THSD4: variants seen among roughly 807,000 people sequenced by gnomAD.
THSD4 encodes thrombospondin type-1 domain-containing protein 4.
Under a neutral mutation model 119.0 loss-of-function variants are expected in THSD4, and 69 were observed. The observed-to-expected ratio is 0.58, with a 90% CI of 0.48 to 0.71. THSD4 has a LOEUF of 0.71. Ranked by LOEUF, THSD4 falls within the 30% of genes least tolerant of loss-of-function variation. The pLI is 0.00. For missense variants in THSD4, 1,393 were observed against 1,391.1 expected (o/e 1.00, Z -0.02); for synonymous variants, 524 against 540.4 (o/e 0.97, Z 0.42).
chr15:71,199,869 G>GTGTGTGTGTGGTGCATGTGTGGTA (rs1369123961), intron 3 of THSD4, among the ~76,000 whole-genome samples: 2 of 124,150 alleles, frequency 1.6e-5, no homozygotes, highest in African/African-American at 3.2e-5. Context: ...TGTGGGGTGT[G>GTGTGTGTGTGGTGCATGTGTGGTA]TGTGTGTGTG....
chr15:71,608,816 C>T (rs1298916208), intron 7 of THSD4, among the ~76,000 whole-genome samples: 2 of 152,226 alleles, frequency 1.3e-5, no homozygotes, highest in African/African-American at 4.8e-5. Context: ...TACAATCATG[C>T]AGTGAGTATT....
At position 71,747,098 on chromosome 15, in the gene THSD4, T is replaced by C. The variant is rs1043040301; in HGVS notation, c.2241+56T>C. 6.3e-4 allele frequency: 967 copies of C among 1,529,914 alleles called. 1 individual carries two copies. The highest frequency in any genetic ancestry group is 7.9e-4 in the Non-Finnish European group (904 of 1,139,028). The allele number at this position is 1,529,914 out of a possible 1,614,324, so 94.8% of individuals were successfully genotyped here. A position where few individuals can be genotyped will look rare whatever the true frequency, so the allele number is the denominator to read the frequency against. On this transcript the variant is annotated intron_variant, in intron 13 of 17. Coordinates refer to ENST00000261862, the MANE Select transcript of THSD4 (RefSeq NM_024817.3). ...TCCCTCTCCAGCTCCCACCACACTTTCCAGCCTCCCCCACCAAGACCTGAG... is the reference window on the plus strand; with the variant it reads ...TCCCTCTCCAGCTCCCACCACACTTCCCAGCCTCCCCCACCAAGACCTGAG...
rs574054580 is a variant in THSD4, at chr15:71,604,143, G to C, written c.1153-56387G>C. Among the ~76,000 whole-genome samples the C allele has an allele frequency of 3.3e-5, 5 of 152,252 alleles. No homozygotes were observed. The East Asian group carries it at 7.7e-4, about 24-fold the overall frequency. On this transcript the variant is annotated intron_variant, in intron 7 of 17. Coordinates refer to ENST00000261862, the MANE Select transcript of THSD4 (RefSeq NM_024817.3). ...GGGGATAGTGAAGATAATGAAATAAGTTTGGGCCCTAATGAGTTTGGGGTG... is the reference window on the plus strand; with the variant it reads ...GGGGATAGTGAAGATAATGAAATAACTTTGGGCCCTAATGAGTTTGGGGTG...
chr15:71,432,733 C>T (rs964888204), intron 7 of THSD4, among the ~76,000 whole-genome samples: 2 of 151,892 alleles, frequency 1.3e-5, no homozygotes, highest in Admixed American at 6.6e-5. Context: ...CTTTTATAAC[C>T]TCTTAAAGTT....
intron 6 of THSD4, among the ~76,000 whole-genome samples, chr15:71,294,841 A>G (rs1235293575): frequency 6.6e-6 from 1 of 151,488 alleles, no homozygotes; most frequent in Non-Finnish European, 1.5e-5. Flanking sequence ...CGCCCAATCC[A>G]GTATTTGATG....
chr15:71,199,549 GGTGTGTGTA>G (rs2043755312), intron 3 of THSD4, among the ~76,000 whole-genome samples: 1 of 144,092 alleles, frequency 6.9e-6, no homozygotes, highest in Non-Finnish European at 1.5e-5. Flanking sequence ...GTGTATGTGT[GGTGTGTGTA>G]TGTGGTGTGT....
chr15:71,382,321 C>A (rs1364867264), intron 6 of THSD4, among the ~76,000 whole-genome samples: 1 of 152,154 alleles, frequency 6.6e-6, no homozygotes, highest in East Asian at 1.9e-4. Context: ...AGCCAATACT[C>A]CAAGAAAACG....
chr15:71,213,176 C>T (rs925584810), intron 3 of THSD4, among the ~76,000 whole-genome samples: 3 of 152,210 alleles, frequency 2.0e-5, no homozygotes, highest in African/African-American at 7.2e-5. Flanking sequence ...CCTCTTCCAG[C>T]TTCTGGTGGC....
intron 7 of THSD4, among the ~76,000 whole-genome samples, chr15:71,515,078 T>C (rs2048338434): frequency 6.6e-6 from 1 of 152,230 alleles, no homozygotes; most frequent in African/African-American, 2.4e-5. Context: ...GGTTTGGACA[T>C]CCTTAAGGAA....
intron 6 of THSD4, among the ~76,000 whole-genome samples, chr15:71,369,355 G>A (rs971949410): frequency 2.0e-5 from 3 of 152,142 alleles, no homozygotes; most frequent in Non-Finnish European, 2.9e-5. Context: ...TCCCTGTCTT[G>A]TGCCAGTTTT....
chr15:71,513,299 A>C (rs2048309730), intron 7 of THSD4, among the ~76,000 whole-genome samples: 1 of 152,196 alleles, frequency 6.6e-6, no homozygotes, highest in Admixed American at 6.5e-5. Context: ...AGTTTCATAG[A>C]CTGTTACAGC....
At chr15:71,743,655 A>C (rs2053278730) in intron 11 of THSD4, among the ~76,000 whole-genome samples, 1 of 152,230 alleles carries the variant, frequency 6.6e-6, no homozygotes, top group African/African-American at 2.4e-5. Flanking sequence ...ATTTTAAATA[A>C]TGGTCTCAAG....
intron 8 of THSD4, among the ~76,000 whole-genome samples, chr15:71,681,570 G>A (rs2051777898): frequency 6.6e-6 from 1 of 151,680 alleles, no homozygotes; most frequent in African/African-American, 2.4e-5. Context: ...AGCTACTCGG[G>A]AGGCTGGGGC....
intron 6 of THSD4, among the ~76,000 whole-genome samples, chr15:71,363,249 A>T (rs2045917223): frequency 6.6e-6 from 1 of 152,242 alleles, no homozygotes; most frequent in African/African-American, 2.4e-5. Context: ...CATAGATAGT[A>T]CATAAATGAA....
At chr15:71,133,320 T>C (rs1395065925) in intron 1 of THSD4, among the ~76,000 whole-genome samples, 1 of 152,164 alleles carries the variant, frequency 6.6e-6, no homozygotes, top group Non-Finnish European at 1.5e-5. Flanking sequence ...GTTTGGATCC[T>C]GGGCTGCGCA....
At chr15:71,347,688 A>T (rs2045684399) in intron 6 of THSD4, among the ~76,000 whole-genome samples, 1 of 152,142 alleles carries the variant, frequency 6.6e-6, no homozygotes, top group Admixed American at 6.5e-5. Flanking sequence ...AAAATTTAAA[A>T]TTCAGTTTCT....
intron 6 of THSD4, among the ~76,000 whole-genome samples, chr15:71,379,441 A>C (rs939211452): frequency 4.1e-5 from 6 of 146,490 alleles, no homozygotes; most frequent in Non-Finnish European, 7.5e-5. Context: ...TTACTGAAGC[A>C]AATGGCTTCT....
At chr15:71,182,239 C>T (rs1389306796) in intron 3 of THSD4, among the ~76,000 whole-genome samples, 2 of 151,730 alleles carry the variant, frequency 1.3e-5, no homozygotes, top group East Asian at 3.9e-4. Flanking sequence ...TTCACAGAAA[C>T]CCACACAATC....
intron 8 of THSD4, among the ~76,000 whole-genome samples, chr15:71,700,692 G>A (rs1288191364): frequency 3.9e-5 from 6 of 152,068 alleles, no homozygotes; most frequent in African/African-American, 7.2e-5. Context: ...ATTAAAACAC[G>A]TGGGGAAGGA....
Sources: allele counts gnomAD v4.1 joint callset (sites outside exome capture counted in the v4.1 genomes callset), GRCh38; gene constraint gnomAD v4.1.1; transcripts MANE v1.5; gene names NCBI Gene and HGNC (gene_info 2026-07-23, HGNC 2026-07-21).